Variants in LMNA observed in about 807,000 individuals in gnomAD.
The protein encoded by LMNA is lamin A/C.
LMNA carries 20 observed loss-of-function variants against 70.4 expected under a neutral mutation model. The observed-to-expected ratio is 0.28, with a 90% CI of 0.20 to 0.41. The LOEUF (loss-of-function observed/expected upper bound fraction) is 0.41, where lower values mean the gene tolerates loss of function less well. LMNA is among the 10% of genes least tolerant of loss of function. LMNA has a pLI of 1.00. For synonymous variants in LMNA, 339 were observed against 372.8 expected, an observed-to-expected ratio of 0.91 and a Z score of 1.04; for missense variants, 652 against 917.2, an observed-to-expected ratio of 0.71 and a Z score of 3.73.
intron 1 of LMNA, among the ~76,000 whole-genome samples, chr1:156,125,760 G>C (rs1040229952): frequency 6.9e-6 from 1 of 144,090 alleles, no homozygotes; most frequent in Non-Finnish European, 1.5e-5. Flanking sequence ...AGGTGGAGGC[G>C]GGTGGATCAC....
At chr1:156,097,571 A>T (rs754710224) in intron 3 of LMNA, among the ~76,000 whole-genome samples, 3 of 152,388 alleles carry the variant, frequency 2.0e-5, no homozygotes, top group South Asian at 4.1e-4. Flanking sequence ...TGCCATGGGC[A>T]GGACATGAGT....
In LMNA at chr1:156,135,037, G is replaced by A. The variant is rs1416992693; in HGVS notation, c.810+62G>A. The A allele has an allele frequency of 3.7e-6, 6 of 1,611,546 alleles. No individual in the cohort carries two copies. The highest frequency in any genetic ancestry group is 1.1e-5 in the South Asian group (1 of 90,820). On this transcript the variant is annotated intron_variant, in intron 4 of 11. Coordinates refer to ENST00000368300, the MANE Select transcript of LMNA (RefSeq NM_170707.4). The surrounding 1 kb of genome is among the most constrained non-coding windows in gnomAD (Gnocchi z 4.8). ...CCTTGGCAGCCCTACCCTTACCCAC[G>A]CTGGGCTATGCCTTCTGGGGATCAG...
Position 156,135,334 on chromosome 1 carries a change from C to T in LMNA, c.936+22C>T, listed in dbSNP as rs780179506. 2 of 1,607,362 alleles carry T rather than the reference C, an allele frequency of 1.2e-6. No individual in the cohort carries two copies. Among genetic ancestry groups the T allele is most frequent in the South Asian group, 2.2e-5 (2 of 90,562 alleles). ...GCAGGTGATACCCCACCTCACCCCT[C>T]TCTCCAGGGGCCTAGAGTCTGGGCC... On this transcript the variant is annotated intron_variant, in intron 5 of 11. Coordinates refer to ENST00000368300, the MANE Select transcript of LMNA (RefSeq NM_170707.4). The surrounding 1 kb of genome is among the most constrained non-coding windows in gnomAD (Gnocchi z 4.8).
chr1:156,103,590 C>T lies in LMNA; in HGVS notation c.-206-11123C>T, dbSNP rs532053452. ...CATACCCCTAGCCAACCCCTCCTTG[C>T]AAGCCCTCATTCGGGCGGGGAGAAG... On this transcript the variant is annotated intron_variant, in intron 3 of 12. Coordinates refer to the LMNA transcript ENST00000368301. This position sits in a 1 kb window ranked among gnomAD's most constrained non-coding sequence, Gnocchi z 4.7. Among the ~76,000 whole-genome samples, 4 of 152,268 alleles carry T rather than the reference C, an allele frequency of 2.6e-5. No individual in the cohort carries two copies. Among genetic ancestry groups the T allele is most frequent in the African/African-American group, 9.6e-5 (4 of 41,542 alleles).
chr1:156,136,245 C>G lies in LMNA; in HGVS notation c.1189C>G (p.Arg397Gly). 1 of 1,612,020 alleles carries G rather than the reference C, an allele frequency of 6.2e-7. No homozygotes were observed. Among genetic ancestry groups the G allele is most frequent in the South Asian group, 1.1e-5 (1 of 91,058 alleles). ...CCTGTCCCCCAGCCCTACCTCGCAGCGCAGCCGTGGCCGTGCTTCCTCTCA... is the reference window on the plus strand; with the variant it reads ...CCTGTCCCCCAGCCCTACCTCGCAGGGCAGCCGTGGCCGTGCTTCCTCTCA... ...LRLSPSPTSQRSRGRASSHSS... is the reference protein window; with the variant it reads ...LRLSPSPTSQGSRGRASSHSS... Residue 397 changes from arginine to glycine, a missense_variant, in exon 7 of 12, where the codon CGC becomes GGC. Transcript: ENST00000368300. This position sits in a 1 kb window ranked among gnomAD's most constrained non-coding sequence, Gnocchi z 6.1.
Position 156,140,039 on chromosome 1 carries a change from C to CA in LMNA, c.*934dup. 1.9e-6 allele frequency: 1 copy of CA among 526,218 alleles called. No homozygotes were observed. Among genetic ancestry groups the CA allele is most frequent in the Non-Finnish European group, 3.4e-6 (1 of 298,360 alleles). 32.6% of individuals were successfully genotyped at this position (526,218 alleles called of 1,614,324 possible). On this transcript the variant is annotated 3_prime_UTR_variant, in exon 12 of 12. Transcript: ENST00000368300. Reference sequence around the variant, plus strand: ...CCCTTGCCTCCCCATTTCCCATCTGCACCCCTTCTCTCCTCCCCAAATCAA... The same window carrying CA: ...CCCTTGCCTCCCCATTTCCCATCTGCAACCCCTTCTCTCCTCCCCAAATCAA...
chr1:156,111,786 T>C (rs1481514471), upstream of LMNA, among the ~76,000 whole-genome samples: 1 of 152,204 alleles, frequency 6.6e-6, no homozygotes, highest in Non-Finnish European at 1.5e-5. Context: ...GAGAATTCAG[T>C]AGCAGATCTA....
In LMNA at chr1:156,137,332, C is replaced by T. The variant is rs138958452; in HGVS notation, c.1608+100C>T. ...AACCCAAGTTTGCCAATTCAGGGCC[C>T]CTTTCTAGAGCTCTCTGTTGCAGGC... is the stretch of plus-strand genomic sequence containing the variant. On this transcript the variant is annotated intron_variant, in intron 9 of 11. Transcript: ENST00000368300. The surrounding 1 kb of genome is among the most constrained non-coding windows in gnomAD (Gnocchi z 4.6). 1.2e-5 allele frequency: 17 copies of T among 1,456,056 alleles called. No individual in the cohort carries two copies. The East Asian group carries it at 3.2e-4, about 27-fold the overall frequency. 90.2% of individuals were successfully genotyped at this position (1,456,056 alleles called of 1,614,324 possible).
At chr1:156,121,124 A>T (rs1389015874) in intron 1 of LMNA, among the ~76,000 whole-genome samples, 4 of 129,068 alleles carry the variant, frequency 3.1e-5, no homozygotes, top group African/African-American at 1.2e-4. Context: ...ATCTTGGCTT[A>T]CTGCAATCTC....
rs1186086507 is a variant in LMNA, at chr1:156,138,996, T to C, written c.1969-84T>C. Reference sequence around the variant, plus strand: ...GGAGTGTGAGGGATGGGGGAGATGCTACCTCCCTTCTAGGGGCCAGGGGAG... The same window carrying C: ...GGAGTGTGAGGGATGGGGGAGATGCCACCTCCCTTCTAGGGGCCAGGGGAG... On this transcript the variant is annotated intron_variant, in intron 11 of 11. Coordinates refer to ENST00000368300, the MANE Select transcript of LMNA (RefSeq NM_170707.4). The surrounding 1 kb of genome is among the most constrained non-coding windows in gnomAD (Gnocchi z 5.5). 1.2e-5 allele frequency: 17 copies of C among 1,452,562 alleles called. No individual in the cohort carries two copies. The highest frequency in any genetic ancestry group is 1.6e-5 in the Non-Finnish European group (17 of 1,033,710). 90.0% of individuals were successfully genotyped at this position (1,452,562 alleles called of 1,614,324 possible).
At chr1:156,108,720 C>G (rs1015591217) in intron 3 of LMNA, among the ~76,000 whole-genome samples, 1 of 151,762 alleles carries the variant, frequency 6.6e-6, no homozygotes, top group African/African-American at 2.4e-5. Context: ...GAGCTGAGAT[C>G]GTGCCATTGC....
intron 2 of LMNA, among the ~76,000 whole-genome samples, chr1:156,086,671 C>T (rs968185143): frequency 3.3e-5 from 5 of 152,172 alleles, no homozygotes; most frequent in African/African-American, 1.2e-4. Context: ...GACAGAGTCT[C>T]GCTCTGTTGC....
At chr1:156,120,245 AC>A (rs1650096001) in intron 1 of LMNA, among the ~76,000 whole-genome samples, 1 of 152,228 alleles carries the variant, frequency 6.6e-6, no homozygotes, top group Admixed American at 6.5e-5. Context: ...CCCATGTCAC[AC>A]AATAAAGGGG....
chr1:156,116,075 G>C (rs1038040909), intron 1 of LMNA, among the ~76,000 whole-genome samples: 20 of 152,358 alleles, frequency 1.3e-4, no homozygotes, highest in African/African-American at 4.6e-4. Context: ...CCCAGCTCAG[G>C]AAGTTGTGTT....
intron 2 of LMNA, among the ~76,000 whole-genome samples, chr1:156,084,566 T>C (rs929973108): frequency 6.6e-6 from 1 of 151,348 alleles, no homozygotes; most frequent in Admixed American, 6.6e-5. Context: ...CCCTGGAGAG[T>C]GGGCTATTTC....
At chr1:156,084,632 T>C (rs1294838747) in intron 2 of LMNA, among the ~76,000 whole-genome samples, 1 of 152,176 alleles carries the variant, frequency 6.6e-6, no homozygotes, top group Non-Finnish European at 1.5e-5. Flanking sequence ...ACTGTGGTAC[T>C]GGGGACCATG....
intron 2 of LMNA, among the ~76,000 whole-genome samples, chr1:156,087,467 T>C (rs1192788637): frequency 6.6e-6 from 1 of 151,996 alleles, no homozygotes; most frequent in Admixed American, 6.6e-5. Context: ...GATCTTGAGC[T>C]CCTGACCTTG....
chr1:156,114,670 A>T, upstream of LMNA: 1 of 470,836 alleles, frequency 2.1e-6, no homozygotes, highest in Non-Finnish European at 3.7e-6. Context: ...CTCCCTTCAG[A>T]GGAGGACCTA....
At chr1:156,087,861 C>CT (rs376457819) in intron 2 of LMNA, among the ~76,000 whole-genome samples, 4 of 151,196 alleles carry the variant, frequency 2.6e-5, no homozygotes, top group Non-Finnish European at 5.9e-5. Flanking sequence ...CCTTTCTTTC[C>CT]TTTTTTTTCT....
Sources: gnomAD v4.1 joint callset for allele counts (sites outside exome capture counted in the v4.1 genomes callset) on GRCh38, gnomAD v4.1.1 for gene constraint, Gnocchi (gnomAD v3.1) non-coding constraint, MANE v1.5 for transcripts, NCBI Gene and HGNC (gene_info 2026-07-23, HGNC 2026-07-21) for gene names.